The following GGA3 variants were observed in gnomAD, a reference collection of about 807,000 sequenced individuals.
GGA3 encodes golgi associated, gamma adaptin ear containing, ARF binding protein 3.
Under a neutral mutation model 77.5 loss-of-function variants are expected in GGA3, and 57 were observed. That is an observed-to-expected ratio of 0.74 (90% CI 0.59 to 0.92). The LOEUF (loss-of-function observed/expected upper bound fraction) is 0.92. GGA3 is among the 40% of genes least tolerant of loss of function. The pLI is 0.00. For missense variants in GGA3, 970 were observed against 914.9 expected (o/e 1.06, Z -0.78); for synonymous variants, 416 against 383.7 (o/e 1.08, Z -0.98).
chr17:75,240,187 G>T, intron 12 of GGA3, 79 bp from the exon 13 acceptor site: 1 of 1,292,490 alleles, frequency 7.7e-7, no homozygotes, highest in South Asian at 1.3e-5. Context: ...GCCCTCCAAG[G>T]ACTGCACGGA....
At chr17:75,241,863 C>A in intron 8 of GGA3, 167 bp from the exon 9 acceptor site, 1 of 664,426 alleles carries the variant, frequency 1.5e-6, no homozygotes, top group South Asian at 1.7e-5. Context: ...GCCACCACCA[C>A]CACACCACAT....
intron 3 of GGA3, among the ~76,000 whole-genome samples, chr17:75,245,940 C>T (rs1375161869): frequency 1.3e-5 from 2 of 152,218 alleles, no homozygotes; most frequent in Non-Finnish European, 2.9e-5. Context: ...GCTAGAGCCC[C>T]GGATTCCTCA....
chr17:75,242,758 C>G (rs1039728240), intron 7 of GGA3, 73 bp downstream of exon 7: 4 of 1,275,054 alleles, frequency 3.1e-6, no homozygotes, highest in Non-Finnish European at 1.1e-6. Context: ...GGCCCGTGTC[C>G]GGGGCAAAGC....
At chr17:75,243,619 G>A (rs568466891) in intron 4 of GGA3, 49 bp from the exon 5 acceptor site, 13 of 1,595,896 alleles carry the variant, frequency 8.1e-6, no homozygotes, top group African/African-American at 4.0e-5. Context: ...TTCGGAGGCA[G>A]AGAAAGTGTA....
intron 1 of GGA3, among the ~76,000 whole-genome samples, chr17:75,248,204 G>C (rs192672831): frequency 1.7e-3 from 253 of 152,234 alleles, no homozygotes; most frequent in African/African-American, 5.9e-3. Context: ...GGGCGTGGTG[G>C]CTCACGCCTG....
At chr17:75,248,850 A>G (rs1197940516) in intron 1 of GGA3, 31 of 982,472 alleles carry the variant, frequency 3.2e-5, no homozygotes, top group Non-Finnish European at 3.7e-5. Flanking sequence ...CAGCTGGATG[A>G]ACACATCATA....
At chr17:75,258,241 A>G (rs1384705876) in intron 1 of GGA3, among the ~76,000 whole-genome samples, 2 of 152,218 alleles carry the variant, frequency 1.3e-5, no homozygotes, top group Non-Finnish European at 2.9e-5. Flanking sequence ...TGTTGCTCAC[A>G]CAAAGCCTGT....
intron 3 of GGA3, 38 bp from the exon 4 acceptor site, chr17:75,244,755 T>C (rs4789156): frequency 1 from 1,396,497 of 1,401,888 alleles, 695,721 homozygotes; most frequent in East Asian, 1. Context: ...AGTGAGGGCG[T>C]GCTCGGGGCT....
At chr17:75,247,041 G>A (rs1012469457) in intron 1 of GGA3, among the ~76,000 whole-genome samples, 1 of 152,028 alleles carries the variant, frequency 6.6e-6, no homozygotes, top group Admixed American at 6.6e-5. Context: ...AACAAATTCT[G>A]TCTCATGAAG....
Position 75,246,724 on chromosome 17 carries a change from T to C in GGA3, c.113A>G (p.Lys38Arg). The C allele has an allele frequency of 6.2e-7, 1 of 1,613,796 alleles. No individual in the cohort carries two copies. Among genetic ancestry groups the C allele is most frequent in the Non-Finnish European group, 8.5e-7 (1 of 1,179,668 alleles). Residue 38 changes from lysine to arginine, a missense_variant, in exon 2 of 17, where the codon AAG becomes AGG. Physicochemically the swap from Lys to Arg is conservative, Grantham distance 26. Coordinates refer to ENST00000537686, the MANE Select transcript of GGA3 (RefSeq NM_138619.4). The part of the protein sequence containing the change: ...YIIGFCDQIN[K>R]ELEGPQIAVR... ...TGCTGAGACTCACCCTTCCAGCTCC[T>C]TGTTGATCTGATCACAGAAGCCAAT...
intron 1 of GGA3, among the ~76,000 whole-genome samples, chr17:75,255,902 T>C (rs895765068): frequency 6.6e-6 from 1 of 152,234 alleles, no homozygotes; most frequent in African/African-American, 2.4e-5. Flanking sequence ...TGACATCCAT[T>C]AGGCTCAGCA....
At chr17:75,249,990 C>T (rs1345616677) in intron 1 of GGA3, among the ~76,000 whole-genome samples, 4 of 152,204 alleles carry the variant, frequency 2.6e-5, no homozygotes, top group Non-Finnish European at 5.9e-5. Flanking sequence ...TGCCTACTCA[C>T]GGGCACAAAA....
chr17:75,246,696 C>T lies in GGA3; in HGVS notation c.125+16G>A, dbSNP rs2076770012. On this transcript the variant is annotated intron_variant, in intron 2 of 16. Coordinates refer to ENST00000537686, the MANE Select transcript of GGA3 (RefSeq NM_138619.4). ...GTCCGCTCCCTCTCAGCTGCCCCCA[C>T]AGTGCTGAGACTCACCCTTCCAGCT... 1 of 1,605,778 alleles carries T rather than the reference C, an allele frequency of 6.2e-7. No individual in the cohort carries two copies. Among genetic ancestry groups the T allele is most frequent in the Non-Finnish European group, 8.5e-7 (1 of 1,172,310 alleles).
chr17:75,237,770 C>T lies in GGA3; in HGVS notation c.*509G>A. On this transcript the variant is annotated 3_prime_UTR_variant, in exon 17 of 17. Transcript: ENST00000537686. ...ATTCTGGGCCAGGCACCTTCCTGGG[C>T]CACCTCCCTGGGGATGGCAGCAGGA... 1 of 1,430,252 alleles carries T rather than the reference C, an allele frequency of 7.0e-7. No homozygotes were observed. The highest frequency in any genetic ancestry group is 1.4e-5 in the African/African-American group (1 of 69,696). The allele number at this position is 1,430,252 out of a possible 1,614,324, so 88.6% of individuals were successfully genotyped here.
At chr17:75,244,566 G>A (rs1350680779) in intron 4 of GGA3, 53 bp downstream of exon 4, 12 of 1,058,070 alleles carry the variant, frequency 1.1e-5, no homozygotes, top group Non-Finnish European at 1.8e-5. Context: ...GATGGGAGAT[G>A]GGAATGAACA....
rs2076554630 is a variant in GGA3, at chr17:75,241,472, A to G, written c.874T>C (p.Ser292Pro). 1.2e-6 allele frequency: 2 copies of G among 1,614,040 alleles called. No individual in the cohort carries two copies. The highest frequency in any genetic ancestry group is 1.7e-6 in the Non-Finnish European group (2 of 1,179,930). The change falls in exon 10 of 17, where the codon TCT becomes CCT. Residue 292 changes from serine to proline, a missense_variant. Transcript: ENST00000537686. ...ASDNLSRVIN[S>P]YKTIIEGQVI... ...TGCCCTTCAATAATTGTTTTGTAAG[A>G]GTTGATGACCCGGGAGAGGTTGTCA...
At chr17:75,258,392 G>T (rs2077228486) in intron 1 of GGA3, among the ~76,000 whole-genome samples, 2 of 152,212 alleles carry the variant, frequency 1.3e-5, no homozygotes, top group Non-Finnish European at 2.9e-5. Context: ...GCTGGGCTGG[G>T]CGTGGTAGCT....
In GGA3 at chr17:75,246,740, AG is replaced by A; in HGVS notation, c.96del (p.Cys33ValfsTer34). On this transcript the variant is annotated frameshift_variant, in exon 2 of 17. Coordinates refer to ENST00000537686, the MANE Select transcript of GGA3 (RefSeq NM_138619.4). LOFTEE classifies it high-confidence loss of function. ...TCCAGCTCCTTGTTGATCTGATCAC[AG>A]AAGCCAATTATGTATTCCCAGTCCT... ...RQEDWEYIIG[F>X]CDQINKELEG... The A allele has an allele frequency of 6.2e-7, 1 of 1,614,028 alleles. No homozygotes were observed. Among genetic ancestry groups the A allele is most frequent in the South Asian group, 1.1e-5 (1 of 91,084 alleles).
chr17:75,259,087 G>A (rs895097298), intron 1 of GGA3, among the ~76,000 whole-genome samples: 3 of 151,688 alleles, frequency 2.0e-5, no homozygotes, highest in Non-Finnish European at 4.4e-5. Flanking sequence ...CCGTGTAGCT[G>A]GGACTACAGG....
Sources: allele counts gnomAD v4.1 joint callset (sites outside exome capture counted in the v4.1 genomes callset), GRCh38; gene constraint gnomAD v4.1.1; transcripts MANE v1.5; gene names NCBI Gene and HGNC (gene_info 2026-07-23, HGNC 2026-07-21).